The following GABRP variants were observed in gnomAD, a reference collection of about 807,000 sequenced individuals.
GABRP encodes the protein gamma-aminobutyric acid receptor subunit pi.
A neutral mutation model predicts 47.8 loss-of-function variants in GABRP; 52 were observed. The observed-to-expected ratio is 1.09, with a 90% CI of 0.87 to 1.37. The LOEUF (loss-of-function observed/expected upper bound fraction) is 1.37, where lower values mean the gene tolerates loss of function less well. GABRP is among the 40% of genes most tolerant of loss of function. GABRP has a pLI of 0.00. For synonymous variants in GABRP, 221 were observed against 205.8 expected (o/e 1.07, Z -0.63); for missense variants, 525 against 542.8 (o/e 0.97, Z 0.33).
chr5:170,811,920 A>G, intron 9 of GABRP, 36 bp from the exon 10 acceptor site: 1 of 1,584,496 alleles, frequency 6.3e-7, no homozygotes, highest in Non-Finnish European at 8.6e-7. Flanking sequence ...TTGCTGAGTC[A>G]AGTCTTTTAA....
intron 6 of GABRP, among the ~76,000 whole-genome samples, chr5:170,800,324 C>A (rs985533533): frequency 1.8e-4 from 27 of 152,290 alleles, no homozygotes; most frequent in African/African-American, 6.3e-4. Flanking sequence ...TTCCTTACAC[C>A]TTATATGAAA....
intron 8 of GABRP, 77 bp downstream of exon 8, chr5:170,808,829 C>A: frequency 7.8e-7 from 1 of 1,282,710 alleles, no homozygotes. Flanking sequence ...CCATTGTCTT[C>A]ATTGATATTC....
chr5:170,802,401 C>A (rs1017865110), intron 6 of GABRP, among the ~76,000 whole-genome samples: 1 of 152,182 alleles, frequency 6.6e-6, no homozygotes, highest in Admixed American at 6.5e-5. Context: ...CTGAGAAGCA[C>A]AGCCATTATG....
chr5:170,809,612 C>T lies in GABRP; in HGVS notation c.877C>T (p.Arg293Cys), dbSNP rs79997355. Residue 293 changes from arginine to cysteine, a missense_variant, in exon 9 of 10, where the codon CGC (arginine) becomes TGC (cysteine). By Grantham distance (180) the Arg-to-Cys change is radical. Coordinates refer to ENST00000265294, the MANE Select transcript of GABRP (RefSeq NM_014211.3). The part of the protein sequence containing the change: ...LSMTTLMIGS[R>C]TSLPNTNCFI... ...AATGACCACACTGATGATCGGGTCC[C>T]GCACTTCTCTTCCCAACACCAACTG... 5,073 of 1,614,126 alleles carry T rather than the reference C, an allele frequency of 3.1e-3. 91 individuals carry two copies. The highest frequency in any genetic ancestry group is 0.031 in the African/African-American group (2,331 of 75,020).
At chr5:170,787,453 A>G (rs1395483822) in intron 1 of GABRP, among the ~76,000 whole-genome samples, 1 of 152,198 alleles carries the variant, frequency 6.6e-6, no homozygotes, top group South Asian at 2.1e-4. Context: ...GAAGCTGAGG[A>G]GGCCGGGCCC....
Position 170,791,022 on chromosome 5 carries a change from C to T in GABRP, c.172+1775C>T, listed in dbSNP as rs57145482. ...TGGTTTTCCCAGGCCCTACTGAACA[C>T]GTATGACAAGCACGTGAGTCTGCAC... On this transcript the variant is annotated intron_variant, in intron 3 of 9. Coordinates refer to ENST00000265294, the MANE Select transcript of GABRP (RefSeq NM_014211.3). Among the ~76,000 whole-genome samples, 167 of 152,340 alleles carry T rather than the reference C, an allele frequency of 1.1e-3. 2 individuals carry two copies. In the East Asian group the frequency reaches 0.023, roughly 21 times the overall value.
intron 6 of GABRP, among the ~76,000 whole-genome samples, chr5:170,800,145 T>C (rs900630447): frequency 5.9e-5 from 9 of 152,046 alleles, no homozygotes; most frequent in Non-Finnish European, 1.0e-4. Context: ...AAAACAGAAA[T>C]ATAGACCAAT....
chr5:170,810,112 T>A, intron 9 of GABRP: 1 of 507,162 alleles, frequency 2.0e-6, no homozygotes, highest in East Asian at 3.1e-5. Flanking sequence ...TACTATTTAA[T>A]TCTTTTGTTG....
intron 6 of GABRP, among the ~76,000 whole-genome samples, chr5:170,801,442 A>G (rs1765586972): frequency 6.6e-6 from 1 of 152,116 alleles, no homozygotes; most frequent in Non-Finnish European, 1.5e-5. Flanking sequence ...GGATTCCCCA[A>G]ATCCTGCCAG....
intron 4 of GABRP, 69 bp downstream of exon 4, chr5:170,794,367 T>G: frequency 1.5e-6 from 1 of 678,980 alleles, no homozygotes; most frequent in Non-Finnish European, 2.3e-6. Flanking sequence ...ATATGCTTTC[T>G]AGCCGCTCAA....
chr5:170,810,055 G>GA (rs1324450310), intron 9 of GABRP: 2 of 657,174 alleles, frequency 3.0e-6, no homozygotes, highest in Non-Finnish European at 5.5e-6. Context: ...AATCCAATAT[G>GA]AAAAAAACAT....
chr5:170,795,469 G>A (rs751901884), intron 5 of GABRP, 44 bp downstream of exon 5: 2 of 1,494,724 alleles, frequency 1.3e-6, no homozygotes, highest in Middle Eastern at 1.8e-4. Context: ...ACGGCAGCTG[G>A]GAGAAAACAT....
In GABRP at chr5:170,802,032, A is replaced by G. The variant is rs182957327; in HGVS notation, c.542-3684A>G. ...ATATGCAAAGCCATCCTTGACATTT[A>G]TCACTCGTGCTTCCAACTTTTAAAA... On this transcript the variant is annotated intron_variant, in intron 6 of 9. Transcript: ENST00000265294. 2.4e-4 allele frequency among the ~76,000 whole-genome samples: 37 copies of G among 152,350 alleles called. 1 individual carries two copies. In the East Asian group the frequency reaches 6.4e-3, roughly 26 times the overall value.
At chr5:170,797,906 A>T (rs930773356) in intron 6 of GABRP, among the ~76,000 whole-genome samples, 5 of 152,234 alleles carry the variant, frequency 3.3e-5, no homozygotes, top group African/African-American at 1.2e-4. Context: ...TTACTGACAC[A>T]CAGTCGTGCC....
chr5:170,788,044 G>C (rs1455339229), intron 1 of GABRP, among the ~76,000 whole-genome samples: 4 of 152,152 alleles, frequency 2.6e-5, no homozygotes, highest in Non-Finnish European at 5.9e-5. Context: ...GTCTTAATTT[G>C]GGATAGATTT....
chr5:170,790,822 A>G (rs1765245018), intron 3 of GABRP, among the ~76,000 whole-genome samples: 1 of 152,114 alleles, frequency 6.6e-6, no homozygotes, highest in Non-Finnish European at 1.5e-5. Flanking sequence ...GGCCCATGAG[A>G]AGTGTGGCCT....
intron 9 of GABRP, 59 bp from the exon 10 acceptor site, chr5:170,811,897 C>CTATT: frequency 6.8e-7 from 1 of 1,466,668 alleles, no homozygotes; most frequent in Non-Finnish European, 9.4e-7. Flanking sequence ...AGCTCATTAC[C>CTATT]TACTTATTTA....
chr5:170,802,197 T>C (rs778430501), intron 6 of GABRP, among the ~76,000 whole-genome samples: 1 of 152,212 alleles, frequency 6.6e-6, no homozygotes, highest in Admixed American at 6.5e-5. Context: ...CCTAGCATTG[T>C]TAAGTAATCT....
At position 170,811,947 on chromosome 5, in the gene GABRP, A is replaced by G. The variant is rs776145881; in HGVS notation, c.1021-9A>G. Reference sequence around the variant, plus strand: ...GTCTTTTAAGCTAACTGCATTGTCTATGAACTAGGGGACAACAAAGGAAGT... The same window carrying G: ...GTCTTTTAAGCTAACTGCATTGTCTGTGAACTAGGGGACAACAAAGGAAGT... On this transcript the variant is annotated splice_polypyrimidine_tract_variant and intron_variant, in intron 9 of 9. Transcript: ENST00000265294. 10 of 1,611,538 alleles carry G rather than the reference A, an allele frequency of 6.2e-6. No homozygotes were observed. The highest frequency in any genetic ancestry group is 1.7e-5 in the Admixed American group (1 of 59,850).
Sources: allele counts gnomAD v4.1 joint callset (sites outside exome capture counted in the v4.1 genomes callset), GRCh38; gene constraint gnomAD v4.1.1; transcripts MANE v1.5; gene names NCBI Gene and HGNC (gene_info 2026-07-23, HGNC 2026-07-21).